AK9: variants seen among roughly 807,000 people sequenced by gnomAD.
The protein encoded by AK9 is adenylate kinase domain containing 1.
In AK9, 191 loss-of-function variants were observed where a neutral mutation model predicts 239.6. The ratio of observed to expected loss-of-function variants is 0.80; its 90% CI spans 0.71 to 0.90. AK9 has a LOEUF of 0.90. Ranked by LOEUF, AK9 falls within the 40% of genes least tolerant of loss-of-function variation. The pLI is 0.00. For missense variants in AK9, 1,995 were observed against 2,214.7 expected (o/e 0.90, Z 1.99); for synonymous variants, 689 against 721.0 (o/e 0.96, Z 0.71).
At chr6:109,535,520 A>G (rs1781861283) in intron 27 of AK9, among the ~76,000 whole-genome samples, 2 of 152,200 alleles carry the variant, frequency 1.3e-5, no homozygotes, top group Admixed American at 6.5e-5. Context: ...TTTGTCAGAC[A>G]AGTAGATTGG....
At chr6:109,609,563 GAA>G (rs1793323340) in intron 17 of AK9, among the ~76,000 whole-genome samples, 1 of 152,164 alleles carries the variant, frequency 6.6e-6, no homozygotes, top group African/African-American at 2.4e-5. Flanking sequence ...AGAAAACTTT[GAA>G]AAGTCTGTAT....
chr6:109,640,528 G>A (rs550985603), intron 10 of AK9, among the ~76,000 whole-genome samples: 3 of 152,180 alleles, frequency 2.0e-5, no homozygotes, highest in East Asian at 3.9e-4. Context: ...CCCGCTGGGA[G>A]CTGCAGACTG....
chr6:109,505,483 T>C (rs1778019591), intron 35 of AK9, among the ~76,000 whole-genome samples: 1 of 152,220 alleles, frequency 6.6e-6, no homozygotes. Context: ...GAATTCCTAA[T>C]ATAGATTAAA....
chr6:109,569,565 A>C (rs1205877936), intron 21 of AK9, among the ~76,000 whole-genome samples: 2 of 152,222 alleles, frequency 1.3e-5, no homozygotes, highest in Non-Finnish European at 2.9e-5. Flanking sequence ...TCCACAAAGA[A>C]CTTAAACAAA....
intron 13 of AK9, among the ~76,000 whole-genome samples, chr6:109,617,157 A>G (rs1216186772): frequency 6.6e-6 from 1 of 152,130 alleles, no homozygotes; most frequent in Admixed American, 6.6e-5. Context: ...AGACTAAAAA[A>G]TGGAGATTTC....
intron 28 of AK9, among the ~76,000 whole-genome samples, chr6:109,529,740 G>T (rs1014874483): frequency 6.6e-6 from 1 of 152,160 alleles, no homozygotes; most frequent in South Asian, 2.1e-4. Context: ...GTGCAACCTA[G>T]ATCCCTTGCA....
At chr6:109,643,801 G>A (rs2128290848) in intron 9 of AK9, among the ~76,000 whole-genome samples, 1 of 152,194 alleles carries the variant, frequency 6.6e-6, no homozygotes, top group South Asian at 2.1e-4. Flanking sequence ...TGCTCTTTCT[G>A]GCCTCTGGGT....
chr6:109,648,080 A>T (rs1220289421), intron 8 of AK9, among the ~76,000 whole-genome samples: 2 of 152,166 alleles, frequency 1.3e-5, no homozygotes, highest in East Asian at 3.8e-4. Flanking sequence ...TCTGGGACAC[A>T]TTCAAAGCAG....
At chr6:109,685,687 C>T (rs1773408434) in intron 1 of AK9, among the ~76,000 whole-genome samples, 1 of 152,028 alleles carries the variant, frequency 6.6e-6, no homozygotes, top group South Asian at 2.1e-4. Flanking sequence ...TGTAACAAAA[C>T]TGCACGTTCT....
chr6:109,585,203 C>T lies in AK9; in HGVS notation c.2034G>A (p.Lys678=). The part of the protein sequence containing the change: ...KCLFNRIYLQ[K]KSEIDSKILE... ...AAATCTTAGAGTCAATTTCAGATTT[C>T]TTCTGTAAATATATTCTATTAAATA... The change falls in exon 19 of 41, where the codon AAG becomes AAA. Residue 678 remains lysine (K), a synonymous_variant. Coordinates refer to ENST00000424296, the MANE Select transcript of AK9 (RefSeq NM_001145128.3). 2.0e-6 allele frequency: 2 copies of T among 981,846 alleles called. No homozygotes were observed. Among genetic ancestry groups the T allele is most frequent in the Non-Finnish European group, 2.7e-6 (2 of 746,284 alleles). 60.8% of individuals were successfully genotyped at this position (981,846 alleles called of 1,614,324 possible). A position where few individuals can be genotyped will look rare whatever the true frequency, so the allele number is the denominator to read the frequency against.
At chr6:109,502,959 G>A (rs1311155576) in intron 35 of AK9, among the ~76,000 whole-genome samples, 3 of 143,904 alleles carry the variant, frequency 2.1e-5, no homozygotes, top group Non-Finnish European at 4.6e-5. Flanking sequence ...GGAACGGTAT[G>A]TGTGTGTGTG....
intron 26 of AK9, among the ~76,000 whole-genome samples, chr6:109,542,931 C>A (rs1351126043): frequency 1.3e-5 from 2 of 152,186 alleles, no homozygotes; most frequent in African/African-American, 4.8e-5. Context: ...TATCTCATTA[C>A]TTTTTGCTAA....
At chr6:109,507,890 T>C (rs1413366432) in intron 33 of AK9, among the ~76,000 whole-genome samples, 1 of 152,242 alleles carries the variant, frequency 6.6e-6, no homozygotes, top group African/African-American at 2.4e-5. Context: ...CAACCACTCA[T>C]AGACTGCTAA....
At chr6:109,599,525 C>T (rs532207291) in intron 17 of AK9, among the ~76,000 whole-genome samples, 1 of 152,134 alleles carries the variant, frequency 6.6e-6, no homozygotes, top group Non-Finnish European at 1.5e-5. Flanking sequence ...TCCAGCTTTG[C>T]TCCTTTGGCT....
At chr6:109,596,421 G>T (rs541502226) in intron 17 of AK9, among the ~76,000 whole-genome samples, 1 of 152,316 alleles carries the variant, frequency 6.6e-6, no homozygotes, top group South Asian at 2.1e-4. Context: ...AAGAGGGGCA[G>T]CCCAAACTCC....
At chr6:109,557,111 T>G (rs1360953209) in intron 24 of AK9, among the ~76,000 whole-genome samples, 1 of 152,108 alleles carries the variant, frequency 6.6e-6, no homozygotes, top group Non-Finnish European at 1.5e-5. Context: ...TCTTTCTATC[T>G]TCGTGAGTTT....
chr6:109,661,448 G>GT (rs1800399273), intron 6 of AK9, among the ~76,000 whole-genome samples: 1 of 151,868 alleles, frequency 6.6e-6, no homozygotes. Flanking sequence ...AAGCATTTGG[G>GT]GTCTTCTGGC....
At chr6:109,548,269 T>C (rs763162802) in intron 25 of AK9, among the ~76,000 whole-genome samples, 1 of 152,168 alleles carries the variant, frequency 6.6e-6, no homozygotes, top group Non-Finnish European at 1.5e-5. Context: ...TCATATGAAC[T>C]TGTTATAACA....
chr6:109,636,132 T>C (rs1376118577), intron 10 of AK9, among the ~76,000 whole-genome samples: 22 of 152,100 alleles, frequency 1.4e-4, no homozygotes, highest in Admixed American at 1.4e-3. Context: ...AAAGCCAAAA[T>C]TTTTACTGTG....
Sources: gnomAD v4.1 joint callset for allele counts (sites outside exome capture counted in the v4.1 genomes callset) on GRCh38, gnomAD v4.1.1 for gene constraint, MANE v1.5 for transcripts, NCBI Gene and HGNC (gene_info 2026-07-23, HGNC 2026-07-21) for gene names.